LRBA: variants seen among roughly 807,000 people sequenced by gnomAD.
LRBA encodes the protein lipopolysaccharide-responsive and beige-like anchor protein.
In LRBA, 176 loss-of-function variants were observed where a neutral mutation model predicts 330.0. That is an observed-to-expected ratio of 0.53 (90% CI 0.47 to 0.60). The LOEUF (loss-of-function observed/expected upper bound fraction) is 0.60, where lower values mean the gene tolerates loss of function less well. Ranked by LOEUF, LRBA falls within the 20% of genes least tolerant of loss-of-function variation. The pLI is 0.00. For synonymous variants in LRBA, 1,230 were observed against 1,193.0 expected (o/e 1.03, Z -0.64); for missense variants, 3,259 against 3,444.8 (o/e 0.95, Z 1.35).
chr4:150,563,394 G>T (rs1768644025), intron 40 of LRBA, among the ~76,000 whole-genome samples: 1 of 152,034 alleles, frequency 6.6e-6, no homozygotes, highest in Admixed American at 6.6e-5. Flanking sequence ...GGTATTGATG[G>T]AACATCTCAA....
chr4:150,639,966 T>C (rs1001522578), intron 37 of LRBA, among the ~76,000 whole-genome samples: 1 of 147,174 alleles, frequency 6.8e-6, no homozygotes. Flanking sequence ...AAGCGATTCT[T>C]TTGCCTCAGC....
chr4:150,699,979 C>A (rs758157867), intron 36 of LRBA, among the ~76,000 whole-genome samples: 11 of 152,134 alleles, frequency 7.2e-5, no homozygotes, highest in Non-Finnish European at 1.6e-4. Flanking sequence ...GCTTTTTGAG[C>A]ACCAACATGA....
intron 38 of LRBA, among the ~76,000 whole-genome samples, chr4:150,591,792 G>T (rs901003652): frequency 3.9e-5 from 6 of 152,010 alleles, no homozygotes; most frequent in African/African-American, 1.4e-4. Flanking sequence ...CAGCCCTGCA[G>T]AGCACCTACA....
In LRBA at chr4:150,264,989, C is replaced by G. The variant is rs1219080651; in HGVS notation, c.*733G>C. ...TAGTGAGCTTTGGTACTTGCATTTACTTTAAAAGAAAAACAAATGTTGTGA... is the reference window on the plus strand; with the variant it reads ...TAGTGAGCTTTGGTACTTGCATTTAGTTTAAAAGAAAAACAAATGTTGTGA... On this transcript the variant is annotated 3_prime_UTR_variant, in exon 57 of 57. Coordinates refer to ENST00000651943, the MANE Select transcript of LRBA (RefSeq NM_001364905.1). The G allele has an allele frequency of 1.3e-5, 2 of 152,602 alleles. No individual in the cohort carries two copies. Among genetic ancestry groups the G allele is most frequent in the Non-Finnish European group, 2.9e-5 (2 of 68,032 alleles). The allele number at this position is 152,602 out of a possible 1,614,324, so 9.5% of individuals were successfully genotyped here. A position where few individuals can be genotyped will look rare whatever the true frequency, so the allele number is the denominator to read the frequency against.
At chr4:150,692,255 A>G (rs1391897292) in intron 36 of LRBA, among the ~76,000 whole-genome samples, 1 of 151,952 alleles carries the variant, frequency 6.6e-6, no homozygotes, top group African/African-American at 2.4e-5. Context: ...ATTTCACTCT[A>G]TTGTCTAGGC....
intron 53 of LRBA, among the ~76,000 whole-genome samples, chr4:150,294,510 T>C (rs75424229): frequency 0.027 from 4,118 of 152,286 alleles, 153 homozygotes; most frequent in East Asian, 0.19. Flanking sequence ...TAAAGGCATA[T>C]TTATAATTTC....
chr4:150,685,290 A>G (rs1004569440), intron 36 of LRBA, among the ~76,000 whole-genome samples: 1 of 148,136 alleles, frequency 6.8e-6, no homozygotes, highest in African/African-American at 2.5e-5. Context: ...CTCATTGTAA[A>G]CCAGTAAAAA....
intron 4 of LRBA, among the ~76,000 whole-genome samples, chr4:150,924,971 A>C (rs1213185560): frequency 6.6e-6 from 1 of 151,994 alleles, no homozygotes; most frequent in Non-Finnish European, 1.5e-5. Context: ...GGAGTTTGAC[A>C]CCAGCTTGGA....
chr4:150,778,979 T>C (rs989719800), intron 34 of LRBA, among the ~76,000 whole-genome samples: 26 of 152,218 alleles, frequency 1.7e-4, no homozygotes, highest in Non-Finnish European at 3.1e-4. Flanking sequence ...AACCATCTAA[T>C]GTTCTCAACT....
chr4:150,662,577 C>A (rs564514563), intron 37 of LRBA, among the ~76,000 whole-genome samples: 1 of 152,186 alleles, frequency 6.6e-6, no homozygotes, highest in African/African-American at 2.4e-5. Flanking sequence ...GATCTGTTTG[C>A]AAAGGTGAAG....
chr4:150,535,065 T>C (rs973256144), intron 40 of LRBA, among the ~76,000 whole-genome samples: 2 of 152,220 alleles, frequency 1.3e-5, no homozygotes, highest in African/African-American at 4.8e-5. Flanking sequence ...TGTTTTTATA[T>C]TTAGACATAA....
intron 47 of LRBA, among the ~76,000 whole-genome samples, chr4:150,412,300 C>T (rs1747119901): frequency 6.6e-6 from 1 of 152,116 alleles, no homozygotes; most frequent in African/African-American, 2.4e-5. Flanking sequence ...ATTAAGTAAA[C>T]TCAATAATAA....
Position 150,905,981 on chromosome 4 carries a change from AT to A in LRBA, c.1611del (p.Lys537AsnfsTer19). The part of the protein sequence containing the change: ...VIGYSLEKSS[K>X]SHVSRAVLEL... ...TCAAGTACTGCTCTGCTAACATGAG[AT>A]TTGGAAGACTGCAAAAAAAGTAGTT... is the stretch of plus-strand genomic sequence containing the variant. On this transcript the variant is annotated frameshift_variant, in exon 13 of 57. Transcript: ENST00000651943. LOFTEE classifies it high-confidence loss of function. The A allele has an allele frequency of 6.2e-7, 1 of 1,613,036 alleles. No individual in the cohort carries two copies. Among genetic ancestry groups the A allele is most frequent in the Non-Finnish European group, 8.5e-7 (1 of 1,179,478 alleles).
chr4:150,620,464 T>C (rs1045759184), intron 37 of LRBA, among the ~76,000 whole-genome samples: 1 of 152,152 alleles, frequency 6.6e-6, no homozygotes, highest in African/African-American at 2.4e-5. Flanking sequence ...GGTATCTATC[T>C]GAAGGGAAAT....
intron 2 of LRBA, among the ~76,000 whole-genome samples, chr4:151,001,682 C>T (rs1448412262): frequency 6.6e-6 from 1 of 152,114 alleles, no homozygotes; most frequent in Non-Finnish European, 1.5e-5. Context: ...TCATCTCTGC[C>T]TTTACCCATA....
intron 47 of LRBA, among the ~76,000 whole-genome samples, chr4:150,386,405 T>C (rs570579508): frequency 6.6e-6 from 1 of 151,054 alleles, no homozygotes; most frequent in African/African-American, 2.4e-5. Flanking sequence ...TTCCTGATGT[T>C]TTCCTTCCTC....
rs537110568 is a variant in LRBA at position 150,282,226 on chromosome 4, C to T, written c.8316+224G>A. On this transcript the variant is annotated intron_variant, in intron 55 of 56. Coordinates refer to ENST00000651943, the MANE Select transcript of LRBA (RefSeq NM_001364905.1). ...AAGAAAACCTCTTCTATTGAAGGAC[C>T]GTCCTCAGCTGCGCTGAGTGACGTG... Among the ~76,000 whole-genome samples the T allele has an allele frequency of 1.4e-4, 21 of 152,306 alleles. No homozygotes were observed. The East Asian group carries it at 1.5e-3, about 11-fold the overall frequency.
At chr4:150,602,208 C>T (rs1401756481) in intron 37 of LRBA, among the ~76,000 whole-genome samples, 2 of 152,142 alleles carry the variant, frequency 1.3e-5, no homozygotes, top group African/African-American at 4.8e-5. Flanking sequence ...TTATAAAAAT[C>T]ATTTCAAAAG....
At chr4:150,727,063 C>CGTT (rs1281997440) in intron 36 of LRBA, among the ~76,000 whole-genome samples, 1 of 118,934 alleles carries the variant, frequency 8.4e-6, no homozygotes, top group African/African-American at 2.9e-5. Context: ...CAGAACATTT[C>CGTT]GTTGTTTTTT....
Sources: allele counts gnomAD v4.1 joint callset (sites outside exome capture counted in the v4.1 genomes callset), GRCh38; gene constraint gnomAD v4.1.1; transcripts MANE v1.5; gene names NCBI Gene and HGNC (gene_info 2026-07-23, HGNC 2026-07-21).